DLG2: variants seen among roughly 807,000 people sequenced by gnomAD.
DLG2 encodes the protein discs large MAGUK scaffold protein 2.
Under a neutral mutation model 132.5 loss-of-function variants are expected in DLG2, and 45 were observed. The observed-to-expected ratio is 0.34, with a 90% CI of 0.27 to 0.44. DLG2 has a LOEUF of 0.44. DLG2 is among the 20% of genes least tolerant of loss of function. The probability of loss-of-function intolerance (pLI) is 1.00; values close to 1 mark genes in which losing one functional copy is unlikely to be tolerated. For synonymous variants in DLG2, 424 were observed against 419.6 expected (o/e 1.01, Z -0.13); for missense variants, 1,045 against 1,196.9 (o/e 0.87, Z 1.87).
intron 7 of DLG2, among the ~76,000 whole-genome samples, chr11:84,285,996 T>C (rs1707868673): frequency 6.6e-6 from 1 of 152,168 alleles, no homozygotes; most frequent in Non-Finnish European, 1.5e-5. Flanking sequence ...GAAGACACAC[T>C]GAGTGGTTCA....
intron 8 of DLG2, among the ~76,000 whole-genome samples, chr11:84,184,600 T>C (rs1490376505): frequency 6.6e-6 from 1 of 152,218 alleles, no homozygotes; most frequent in Admixed American, 6.5e-5. Flanking sequence ...CAATTCTGGC[T>C]TTTGTTGCCA....
chr11:83,657,036 CT>C (rs1177295205), intron 18 of DLG2, among the ~76,000 whole-genome samples: 1 of 152,210 alleles, frequency 6.6e-6, no homozygotes, highest in Non-Finnish European at 1.5e-5. Flanking sequence ...GCCACCTCCT[CT>C]AGTCAACATT....
At chr11:84,179,907 A>G (rs2096071628) in intron 8 of DLG2, among the ~76,000 whole-genome samples, 1 of 152,160 alleles carries the variant, frequency 6.6e-6, no homozygotes, top group Admixed American at 6.6e-5. Context: ...AAACCTAATC[A>G]CAGGAATAAA....
chr11:84,397,851 G>C (rs570142420), intron 7 of DLG2, among the ~76,000 whole-genome samples: 37 of 152,286 alleles, frequency 2.4e-4, no homozygotes, highest in Middle Eastern at 3.4e-3. Context: ...CTTATTCCTA[G>C]ATTGTGTAAG....
chr11:85,258,895 T>A (rs987368489), intron 4 of DLG2, among the ~76,000 whole-genome samples: 1 of 152,210 alleles, frequency 6.6e-6, no homozygotes, highest in Non-Finnish European at 1.5e-5. Context: ...AGTGTTGTGT[T>A]TTATCTACAT....
intron 8 of DLG2, among the ~76,000 whole-genome samples, chr11:84,240,370 T>C (rs890476527): frequency 6.6e-6 from 1 of 152,262 alleles, no homozygotes; most frequent in African/African-American, 2.4e-5. Context: ...GTCTCTGTTA[T>C]ATGTAACTGA....
chr11:85,109,529 A>G (rs2072360540), intron 6 of DLG2, among the ~76,000 whole-genome samples: 1 of 152,132 alleles, frequency 6.6e-6, no homozygotes, highest in African/African-American at 2.4e-5. Context: ...ATAATGAAAG[A>G]TGAACGATTT....
At position 84,397,372 on chromosome 11, in the gene DLG2, T is replaced by C. The variant is rs150443295; in HGVS notation, c.519+137198A>G. 5.9e-5 allele frequency among the ~76,000 whole-genome samples: 9 copies of C among 152,382 alleles called. No homozygotes were observed. The East Asian group carries it at 1.7e-3, about 29-fold the overall frequency. On this transcript the variant is annotated intron_variant, in intron 7 of 27. Transcript: ENST00000376104. ...AACTTCTATCTGAGACAATGCTATG[T>C]GCTCACCAAATTGTTTTATTGTCTT...
intron 3 of DLG2, among the ~76,000 whole-genome samples, chr11:85,349,247 C>A (rs1178096242): frequency 2.0e-5 from 3 of 152,082 alleles, no homozygotes; most frequent in Non-Finnish European, 4.4e-5. Context: ...TCTAACTGAG[C>A]AGACTGTTTG....
intron 8 of DLG2, among the ~76,000 whole-genome samples, chr11:84,211,796 T>C (rs769410245): frequency 2.0e-5 from 3 of 152,212 alleles, no homozygotes; most frequent in Non-Finnish European, 4.4e-5. Flanking sequence ...AAAATCCCTT[T>C]TGTTAAAGGG....
intron 6 of DLG2, among the ~76,000 whole-genome samples, chr11:84,571,399 C>T (rs2099484398): frequency 6.6e-6 from 1 of 151,810 alleles, no homozygotes; most frequent in Admixed American, 6.6e-5. Context: ...TCTTTTCCTT[C>T]TCTTGTATTC....
chr11:83,958,827 A>G (rs1467201453), intron 14 of DLG2, among the ~76,000 whole-genome samples: 1 of 152,096 alleles, frequency 6.6e-6, no homozygotes. Flanking sequence ...ACTCCAGCCA[A>G]AAAAATAGTG....
chr11:83,475,517 G>A (rs1159437338), intron 22 of DLG2, among the ~76,000 whole-genome samples: 1 of 137,216 alleles, frequency 7.3e-6, no homozygotes, highest in East Asian at 2.6e-4. Context: ...CTCTTGTGGA[G>A]TATATTGCAC....
intron 8 of DLG2, among the ~76,000 whole-genome samples, chr11:84,166,640 G>T (rs1420718495): frequency 6.6e-6 from 1 of 151,470 alleles, no homozygotes; most frequent in African/African-American, 2.4e-5. Context: ...TACTTATTTC[G>T]ACTTTATTTC....
intron 3 of DLG2, among the ~76,000 whole-genome samples, chr11:85,352,808 C>G (rs981224150): frequency 6.6e-6 from 1 of 152,262 alleles, no homozygotes; most frequent in Non-Finnish European, 1.5e-5. Context: ...AACTGGATCC[C>G]TTCCTTACAC....
At chr11:85,232,377 T>C (rs2075347949) in intron 4 of DLG2, among the ~76,000 whole-genome samples, 1 of 151,908 alleles carries the variant, frequency 6.6e-6, no homozygotes, top group Non-Finnish European at 1.5e-5. Context: ...TAGAAAATAT[T>C]CACAAATAGC....
intron 17 of DLG2, among the ~76,000 whole-genome samples, chr11:83,792,636 C>T (rs1375894919): frequency 1.3e-5 from 2 of 151,988 alleles, no homozygotes; most frequent in African/African-American, 2.4e-5. Flanking sequence ...TACTAATATA[C>T]CTTAGTCAGC....
chr11:85,325,766 G>C (rs2152833624), intron 3 of DLG2, among the ~76,000 whole-genome samples: 1 of 30,632 alleles, frequency 3.3e-5, no homozygotes, highest in African/African-American at 9.5e-5. Flanking sequence ...AACAAAGCTG[G>C]ATGGAGAATT....
At chr11:85,021,403 A>T (rs903112343) in intron 6 of DLG2, 1 of 1,373,202 alleles carries the variant, frequency 7.3e-7, no homozygotes, top group Admixed American at 1.7e-5. Flanking sequence ...CACTGGAGCC[A>T]GGTTAATATC....
Sources: gnomAD v4.1 joint callset for allele counts (sites outside exome capture counted in the v4.1 genomes callset) on GRCh38, gnomAD v4.1.1 for gene constraint, MANE v1.5 for transcripts, NCBI Gene and HGNC (gene_info 2026-07-23, HGNC 2026-07-21) for gene names.